AHCY: variants seen among roughly 807,000 people sequenced by gnomAD.
The protein encoded by AHCY is adenosylhomocysteinase, also known as S-adenosyl-L-homocysteine hydrolase.
Under a neutral mutation model 45.4 loss-of-function variants are expected in AHCY, and 24 were observed. That is an observed-to-expected ratio of 0.53 (90% CI 0.38 to 0.74). The LOEUF is 0.74. Among genes scored for constraint, AHCY ranks in the 30% least tolerant of loss-of-function variants. The pLI is 0.00. For missense variants in AHCY, 449 were observed against 594.1 expected, an observed-to-expected ratio of 0.76 and a Z score of 2.54; for synonymous variants, 245 against 235.1, an observed-to-expected ratio of 1.04 and a Z score of -0.39.
the AHCY span, chr20:34,268,908 T>C: frequency 4.1e-5 from 62 of 1,507,928 alleles, no homozygotes; most frequent in Non-Finnish European, 5.0e-5. Flanking sequence ...GGGATCTCCC[T>C]AGCCCGAGGA....
the AHCY span, among the ~76,000 whole-genome samples, chr20:34,264,048 A>T: frequency 9.8e-5 from 15 of 152,300 alleles, no homozygotes; most frequent in East Asian, 2.7e-3. Flanking sequence ...AGAAATATTT[A>T]AAAAATGAAA....
chr20:34,264,726 C>T, the AHCY span, among the ~76,000 whole-genome samples: 1 of 148,718 alleles, frequency 6.7e-6, no homozygotes. Context: ...CTTATATTTT[C>T]TTATAATCGA....
At chr20:34,235,835 A>G in the AHCY span, among the ~76,000 whole-genome samples, 1 of 67,678 alleles carries the variant, frequency 1.5e-5, no homozygotes, top group Admixed American at 1.6e-4. Flanking sequence ...GAAAGAAAGA[A>G]AGAAAGAAGG....
intron 1 of AHCY, among the ~76,000 whole-genome samples, chr20:34,309,680 C>A (rs1568821699): frequency 1.3e-5 from 2 of 152,122 alleles, no homozygotes; most frequent in Admixed American, 6.6e-5. Flanking sequence ...ACTTGGGAGG[C>A]TGAGGCAGGA....
At chr20:34,302,514 T>A in intron 1 of AHCY, 1 of 773,974 alleles carries the variant, frequency 1.3e-6, no homozygotes, top group Non-Finnish European at 1.6e-6. Context: ...CATCATAAAA[T>A]GAGAACAGTT....
chr20:34,239,235 CTT>C, the AHCY span, among the ~76,000 whole-genome samples: 1 of 146,196 alleles, frequency 6.8e-6, no homozygotes, highest in Non-Finnish European at 1.5e-5. Flanking sequence ...TGTTCAAATA[CTT>C]TTTTTTTTTT....
Position 34,290,550 on chromosome 20 carries a change from C to T in AHCY, c.854+1G>A. The stretch of plus-strand genomic sequence containing the variant: ...CCCGGGACCCCCCATCTGGCACCTA[C>T]CGGCCAAGGATGATGTCAATACAGC... On this transcript the variant is annotated splice_donor_variant, in intron 7 of 9. Coordinates refer to ENST00000217426, the MANE Select transcript of AHCY (RefSeq NM_000687.4). LOFTEE classifies it high-confidence loss of function. The surrounding 1 kb of genome is among the most constrained non-coding windows in gnomAD (Gnocchi z 4.5). 6.2e-7 allele frequency: 1 copy of T among 1,614,226 alleles called. No homozygotes were observed. Among genetic ancestry groups the T allele is most frequent in the Non-Finnish European group, 8.5e-7 (1 of 1,180,038 alleles).
chr20:34,305,159 C>CAAAAAAAAAAAA (rs528737503), upstream of AHCY, among the ~76,000 whole-genome samples: 1 of 109,390 alleles, frequency 9.1e-6, no homozygotes, highest in African/African-American at 3.2e-5. Context: ...ACTAAAAATA[C>CAAAAAAAAAAAA]AAAAAAAAAA....
chr20:34,249,595 A>T, the AHCY span, among the ~76,000 whole-genome samples: 4 of 152,128 alleles, frequency 2.6e-5, no homozygotes, highest in Non-Finnish European at 5.9e-5. Context: ...GCTTGGTTTA[A>T]TGCTCTCCTG....
chr20:34,284,541 C>G (rs915412123), intron 9 of AHCY, among the ~76,000 whole-genome samples: 3 of 152,114 alleles, frequency 2.0e-5, no homozygotes, highest in Non-Finnish European at 4.4e-5. Context: ...CCAAGTTAAC[C>G]CACCCAGTTA....
At chr20:34,281,210 G>T in intron 9 of AHCY, 45 bp from the exon 10 acceptor site, 1 of 1,610,224 alleles carries the variant, frequency 6.2e-7, no homozygotes. Flanking sequence ...CCATTTTCTG[G>T]GACCCCTACA....
At chr20:34,270,411 C>CT in the AHCY span, among the ~76,000 whole-genome samples, 1 of 152,280 alleles carries the variant, frequency 6.6e-6, no homozygotes, top group Admixed American at 6.5e-5. Context: ...GGTTGCAGTC[C>CT]TACAGGGCAA....
In AHCY at chr20:34,285,511, C is replaced by T. The variant is rs937156772; in HGVS notation, c.1096G>A (p.Val366Met). 1.9e-6 allele frequency: 3 copies of T among 1,614,154 alleles called. No individual in the cohort carries two copies. The highest frequency in any genetic ancestry group is 1.3e-5 in the African/African-American group (1 of 75,064). ...GTCCACAGCTCGATCTGCGCCATCA[C>T]CTGGTTGGTGAAGGAGTTACTCATC... ...FVMSNSFTNQ[V>M]MAQIELWTHP... Residue 366 changes from valine (V) to methionine (M), a missense_variant, in exon 9 of 10, where the codon GTG becomes ATG. By Grantham distance (21) the Val-to-Met change is conservative (BLOSUM62 1). Transcript: ENST00000217426.
the AHCY span, among the ~76,000 whole-genome samples, chr20:34,252,407 G>T: frequency 1.3e-5 from 2 of 152,176 alleles, no homozygotes; most frequent in Non-Finnish European, 2.9e-5. Context: ...TTCAAGGAAA[G>T]GTACTGTGCC....
chr20:34,306,421 G>A (rs2036897273), upstream of AHCY, among the ~76,000 whole-genome samples: 1 of 151,120 alleles, frequency 6.6e-6, no homozygotes. Flanking sequence ...AGGCTGGAGT[G>A]CAATGGTGTG....
intron 9 of AHCY, among the ~76,000 whole-genome samples, chr20:34,282,626 A>T (rs529202556): frequency 2.6e-5 from 4 of 152,318 alleles, no homozygotes; most frequent in Admixed American, 1.3e-4. Flanking sequence ...CAAGGTTCAG[A>T]AACGTGAAAT....
At chr20:34,232,226 G>A in the AHCY span, among the ~76,000 whole-genome samples, 1 of 152,202 alleles carries the variant, frequency 6.6e-6, no homozygotes, top group Non-Finnish European at 1.5e-5. Context: ...GTTGCTTGCT[G>A]CAAAGACAAT....
the AHCY span, chr20:34,235,175 C>T: frequency 6.6e-6 from 1 of 152,412 alleles, no homozygotes; most frequent in Non-Finnish European, 1.5e-5. Context: ...GGCGCAGTGG[C>T]TCACGCCTGT....
Position 34,295,510 on chromosome 20 carries a change from A to T in AHCY, c.104T>A (p.Met35Lys), listed in dbSNP as rs770343325. ...CTTGGAGGCCGAGTACCGCTCCCGC[A>T]TACGCATCAGGCCCGGCATCTCGTT... The part of the protein sequence containing the change: ...AENEMPGLMR[M>K]RERYSASKPL... The change falls in exon 2 of 10, where the codon ATG becomes AAG. Residue 35 changes from methionine to lysine, a missense_variant. Met to Lys is a moderately conservative substitution (Grantham distance 95). Transcript: ENST00000217426. The T allele has an allele frequency of 6.2e-7, 1 of 1,613,972 alleles. No homozygotes were observed. The highest frequency in any genetic ancestry group is 1.3e-5 in the African/African-American group (1 of 74,936).
Sources: allele counts gnomAD v4.1 joint callset (sites outside exome capture counted in the v4.1 genomes callset), GRCh38; gene constraint gnomAD v4.1.1; non-coding constraint Gnocchi (gnomAD v3.1); transcripts MANE v1.5; gene names NCBI Gene and HGNC (gene_info 2026-07-23, HGNC 2026-07-21).